The following GOSR2 variants were observed in gnomAD, a reference collection of about 807,000 sequenced individuals.
The protein encoded by GOSR2 is 27 kDa Golgi SNARE protein.
GOSR2 carries 20 observed loss-of-function variants against 27.9 expected under a neutral mutation model. The ratio of observed to expected loss-of-function variants is 0.72; its 90% CI spans 0.50 to 1.04. The LOEUF (loss-of-function observed/expected upper bound fraction) is 1.04. GOSR2 is among the 50% of genes least tolerant of loss of function. GOSR2 has a pLI of 0.00. For synonymous variants in GOSR2, 91 were observed against 98.8 expected (o/e 0.92, Z 0.47); for missense variants, 261 against 270.5 (o/e 0.97, Z 0.25).
At position 46,923,190 on chromosome 17, in the gene GOSR2, G is replaced by T; in HGVS notation, c.-3G>T. The T allele has an allele frequency of 6.5e-7, 1 of 1,544,614 alleles. No individual in the cohort carries two copies. Among genetic ancestry groups the T allele is most frequent in the Non-Finnish European group, 8.8e-7 (1 of 1,140,792 alleles). On this transcript the variant is annotated 5_prime_UTR_variant, in exon 1 of 6. Transcript: ENST00000640051. ...CGGAGCCGTGGCCTGCGGGGCCGGC[G>T]ACATGGATCCCCTGTTCCAGCAAAC...
At chr17:46,966,693 A>G (rs2091334630) in exon 7 of GOSR2, 5 of 520,398 alleles carry the variant, frequency 9.6e-6, no homozygotes, top group East Asian at 3.2e-5. Context: ...CTCTGGTTCT[A>G]TCAACTATTA....
At chr17:46,925,195 C>G (rs1211816191) in intron 1 of GOSR2, among the ~76,000 whole-genome samples, 2 of 152,162 alleles carry the variant, frequency 1.3e-5, no homozygotes, top group African/African-American at 4.8e-5. Flanking sequence ...GTAGTTACTA[C>G]TCTGCTGTTA....
intron 3 of GOSR2, chr17:46,931,836 C>G (rs567528901): frequency 3.9e-5 from 23 of 582,310 alleles, no homozygotes; most frequent in Middle Eastern, 9.1e-4. Context: ...GCAACAGATT[C>G]TGAAGTCAAG....
At chr17:46,953,041 T>A (rs1324046825) in intron 6 of GOSR2, among the ~76,000 whole-genome samples, 1 of 152,046 alleles carries the variant, frequency 6.6e-6, no homozygotes, top group Non-Finnish European at 1.5e-5. Flanking sequence ...TATTATTTTT[T>A]ATTTTTTTAT....
At chr17:46,953,072 G>A (rs2090478760) in intron 6 of GOSR2, among the ~76,000 whole-genome samples, 2 of 151,706 alleles carry the variant, frequency 1.3e-5, no homozygotes. Flanking sequence ...TTTTACGTAA[G>A]TTTTAGGGTA....
At chr17:46,932,981 A>G (rs1442768693) in intron 4 of GOSR2, 3 of 152,348 alleles carry the variant, frequency 2.0e-5, no homozygotes, top group Non-Finnish European at 4.4e-5. Context: ...TTAACCCTCA[A>G]TGCTGCATCC....
chr17:46,945,056 G>A (rs1322848442), downstream of GOSR2, among the ~76,000 whole-genome samples: 2 of 152,180 alleles, frequency 1.3e-5, no homozygotes, highest in Admixed American at 1.3e-4. Context: ...AGTTTAGTGC[G>A]GCCATTGTGG....
chr17:46,945,875 C>A (rs911510294), downstream of GOSR2, among the ~76,000 whole-genome samples: 1 of 152,168 alleles, frequency 6.6e-6, no homozygotes, highest in Non-Finnish European at 1.5e-5. Context: ...AACCCCTGAT[C>A]GCTGCCGGGT....
chr17:46,962,386 G>A (rs1275571508), intron 6 of GOSR2, among the ~76,000 whole-genome samples: 2 of 151,310 alleles, frequency 1.3e-5, no homozygotes, highest in Non-Finnish European at 2.9e-5. Context: ...TACCCCCAAT[G>A]AACCATGCCT....
chr17:46,932,261 G>T, intron 4 of GOSR2, 62 bp downstream of exon 4: 1 of 1,595,584 alleles, frequency 6.3e-7, no homozygotes, highest in Non-Finnish European at 8.6e-7. Context: ...CTGGAGTTCA[G>T]ATCTCTGAGC....
At chr17:46,970,762 C>G (rs570698783), downstream of GOSR2, among the ~76,000 whole-genome samples, 1 of 152,250 alleles carries the variant, frequency 6.6e-6, no homozygotes, top group East Asian at 1.9e-4. Flanking sequence ...AAAAGAGAAC[C>G]AGGTACAAGC....
intron 6 of GOSR2, among the ~76,000 whole-genome samples, chr17:46,974,818 C>T (rs11870913): frequency 0.14 from 20,690 of 151,934 alleles, 1,656 homozygotes; most frequent in African/African-American, 0.21. Context: ...CTCAGGCAAC[C>T]TCTTGGAGCC....
downstream of GOSR2, among the ~76,000 whole-genome samples, chr17:46,945,432 GA>G (rs1218696293): frequency 1.3e-5 from 2 of 152,180 alleles, no homozygotes; most frequent in African/African-American, 4.8e-5. Context: ...GGGGTGGTGG[GA>G]TAGTGTTTGA....
downstream of GOSR2, among the ~76,000 whole-genome samples, chr17:46,943,985 G>A (rs920773755): frequency 2.0e-5 from 3 of 152,158 alleles, no homozygotes; most frequent in Admixed American, 6.5e-5. Flanking sequence ...GGGGGCTCTC[G>A]GAGGCTGACT....
intron 2 of GOSR2, chr17:46,929,886 C>T: frequency 3.4e-6 from 1 of 295,862 alleles, no homozygotes; most frequent in East Asian, 6.7e-5. Context: ...GAATGTACTC[C>T]ATAAAAATTC....
chr17:46,932,069 G>C lies in GOSR2; in HGVS notation c.206G>C (p.Arg69Pro), dbSNP rs780211637. Residue 69 changes from arginine (R) to proline (P), a missense_variant and splice_region_variant, in exon 4 of 6, where the codon CGG (arginine) becomes CCG (proline). Physicochemically the swap from Arg to Pro is moderately radical, Grantham distance 103. Coordinates refer to ENST00000640051, the MANE Select transcript of GOSR2 (RefSeq NM_004287.5). The part of the protein sequence containing the change: ...PPNKRQNARL[R>P]VDQLKYDVQH... The stretch of plus-strand genomic sequence containing the variant: ...ATCTCTCTCTCCATCAATTCCAGTC[G>C]GGTTGACCAGTTAAAGTATGATGTC... The C allele has an allele frequency of 1.9e-6, 3 of 1,613,370 alleles. No individual in the cohort carries two copies. The highest frequency in any genetic ancestry group is 2.7e-5 in the African/African-American group (2 of 74,886).
exon 7 of GOSR2, chr17:46,975,493 GC>G: frequency 1.3e-5 from 2 of 152,568 alleles, no homozygotes; most frequent in Non-Finnish European, 2.9e-5. Context: ...CAGTGTTCCC[GC>G]CCCCTGCCCC....
rs2147080736 is a variant in GOSR2, at chr17:46,940,497, T to C, written c.*1737T>C. ...GTGCCAGGGACCTAGCGCAGGACTT[T>C]TGGTAATCCATAAAATGGATTCTGA... On this transcript the variant is annotated 3_prime_UTR_variant, in exon 6 of 6. Transcript: ENST00000640051. 6.2e-7 allele frequency: 1 copy of C among 1,613,518 alleles called. No homozygotes were observed. The highest frequency in any genetic ancestry group is 1.6e-4 in the Middle Eastern group (1 of 6,062).
chr17:46,925,439 G>A (rs562699970), intron 1 of GOSR2, among the ~76,000 whole-genome samples: 1 of 152,206 alleles, frequency 6.6e-6, no homozygotes, highest in Non-Finnish European at 1.5e-5. Context: ...CTTCTTTTAT[G>A]CTGCAGTATC....
Sources: allele counts gnomAD v4.1 joint callset (sites outside exome capture counted in the v4.1 genomes callset), GRCh38; gene constraint gnomAD v4.1.1; transcripts MANE v1.5; gene names NCBI Gene and HGNC (gene_info 2026-07-23, HGNC 2026-07-21).